KCNT2: variants seen among roughly 807,000 people sequenced by gnomAD.
KCNT2 encodes potassium channel subfamily T member 2.
Under a neutral mutation model 153.8 loss-of-function variants are expected in KCNT2, and 67 were observed. The observed-to-expected ratio is 0.44, with a 90% CI of 0.36 to 0.53. KCNT2 has a LOEUF of 0.53. Among genes scored for constraint, KCNT2 ranks in the 20% least tolerant of loss-of-function variants. The pLI, the probability that KCNT2 is intolerant of heterozygous loss-of-function variation, is 0.00. For synonymous variants in KCNT2, 500 were observed against 458.8 expected, an observed-to-expected ratio of 1.09 and a Z score of -1.15; for missense variants, 975 against 1,354.8, an observed-to-expected ratio of 0.72 and a Z score of 4.40.
chr1:196,312,803 T>G (rs1662320215), intron 21 of KCNT2, among the ~76,000 whole-genome samples: 1 of 151,748 alleles, frequency 6.6e-6, no homozygotes, highest in Non-Finnish European at 1.5e-5. Context: ...ATAATTAATG[T>G]ATAAGAATTT....
At chr1:196,533,657 T>A (rs1170594336) in intron 1 of KCNT2, among the ~76,000 whole-genome samples, 1 of 152,142 alleles carries the variant, frequency 6.6e-6, no homozygotes, top group Non-Finnish European at 1.5e-5. Flanking sequence ...GGAAAAATAA[T>A]CCTCAGCTTG....
chr1:196,304,458 ATCC>A (rs752001222), intron 22 of KCNT2, among the ~76,000 whole-genome samples: 66 of 152,060 alleles, frequency 4.3e-4, no homozygotes, highest in Non-Finnish European at 8.8e-4. Flanking sequence ...GGCTCAAGGA[ATCC>A]TCCTGTCTCA....
At chr1:196,388,788 T>C (rs994365387) in intron 13 of KCNT2, among the ~76,000 whole-genome samples, 3 of 151,826 alleles carry the variant, frequency 2.0e-5, no homozygotes, top group Admixed American at 1.3e-4. Context: ...TATTATAGAT[T>C]CATTACCATT....
At chr1:196,299,953 A>G (rs1415781203) in intron 22 of KCNT2, among the ~76,000 whole-genome samples, 1 of 152,230 alleles carries the variant, frequency 6.6e-6, no homozygotes, top group East Asian at 1.9e-4. Flanking sequence ...TTGCAGCAAC[A>G]TGGATGGTTT....
At chr1:196,360,340 CA>C (rs1347170277) in intron 14 of KCNT2, among the ~76,000 whole-genome samples, 3 of 151,906 alleles carry the variant, frequency 2.0e-5, no homozygotes, top group African/African-American at 7.3e-5. Context: ...CTGGGGATTG[CA>C]TATCATCTTT....
intron 1 of KCNT2, among the ~76,000 whole-genome samples, chr1:196,572,362 A>G (rs1416058011): frequency 6.6e-6 from 1 of 152,110 alleles, no homozygotes; most frequent in African/African-American, 2.4e-5. Flanking sequence ...AGTCACTGTA[A>G]GTAGTGAGTG....
chr1:196,345,754 G>T lies in KCNT2; in HGVS notation c.1404-3526C>A, dbSNP rs924402749. Among the ~76,000 whole-genome samples, 21 of 152,182 alleles carry T rather than the reference G, an allele frequency of 1.4e-4. No individual in the cohort carries two copies. The South Asian group carries it at 4.4e-3, about 32-fold the overall frequency. On this transcript the variant is annotated intron_variant, in intron 14 of 27. Transcript: ENST00000294725. The stretch of plus-strand genomic sequence containing the variant: ...GGTATGTTCTGAAGGCAGACTTCGA[G>T]AATTTGCTAATGGAAGAGAAAAATA...
chr1:196,395,490 G>T (rs1670858522), intron 13 of KCNT2, among the ~76,000 whole-genome samples: 1 of 151,496 alleles, frequency 6.6e-6, no homozygotes, highest in South Asian at 2.1e-4. Context: ...TAGCACTGGT[G>T]GCTTAAAACA....
chr1:196,449,109 G>A (rs1029633401), intron 8 of KCNT2, among the ~76,000 whole-genome samples: 1 of 151,650 alleles, frequency 6.6e-6, no homozygotes, highest in African/African-American at 2.4e-5. Context: ...GGGGAGAACA[G>A]TTAAAGCATT....
chr1:196,460,721 A>T (rs1021745942), intron 8 of KCNT2, among the ~76,000 whole-genome samples: 4 of 151,786 alleles, frequency 2.6e-5, no homozygotes, highest in Non-Finnish European at 4.4e-5. Flanking sequence ...GACTTGAATG[A>T]TGAGTAGGAG....
intron 26 of KCNT2, among the ~76,000 whole-genome samples, chr1:196,243,819 C>T (rs1234904784): frequency 6.6e-6 from 1 of 152,108 alleles, no homozygotes; most frequent in Non-Finnish European, 1.5e-5. Flanking sequence ...GAATCAAAGA[C>T]AATGGACTTG....
intron 26 of KCNT2, among the ~76,000 whole-genome samples, chr1:196,253,342 C>G (rs1656159033): frequency 6.6e-6 from 1 of 151,348 alleles, no homozygotes; most frequent in African/African-American, 2.4e-5. Flanking sequence ...TCTGATGCCA[C>G]CCCCATCCAG....
intron 26 of KCNT2, among the ~76,000 whole-genome samples, chr1:196,243,987 C>G (rs1332452722): frequency 2.0e-5 from 3 of 152,002 alleles, no homozygotes; most frequent in Non-Finnish European, 4.4e-5. Context: ...TGTGTTGCAA[C>G]TTGGATACCA....
chr1:196,467,019 A>T lies in KCNT2; in HGVS notation c.543+684T>A, dbSNP rs554422213. ...ACCCCGCTCAAGCAAATCCAGAAGG[A>T]TGACTCTAAATGAGGGGCTTCTGGC... On this transcript the variant is annotated intron_variant, in intron 7 of 27. Transcript: ENST00000294725. 3.3e-5 allele frequency among the ~76,000 whole-genome samples: 5 copies of T among 152,104 alleles called. No individual in the cohort carries two copies. The East Asian group carries it at 9.7e-4, about 29-fold the overall frequency.
At chr1:196,359,607 G>T (rs991076338) in intron 14 of KCNT2, among the ~76,000 whole-genome samples, 1 of 151,818 alleles carries the variant, frequency 6.6e-6, no homozygotes, top group Non-Finnish European at 1.5e-5. Context: ...TCTCTATATT[G>T]AATGAAATTA....
chr1:196,253,751 T>C (rs1043869292), intron 26 of KCNT2, among the ~76,000 whole-genome samples: 5 of 151,552 alleles, frequency 3.3e-5, no homozygotes, highest in African/African-American at 1.2e-4. Context: ...TTTAGAAAGC[T>C]CTTTCTTTGT....
intron 5 of KCNT2, among the ~76,000 whole-genome samples, chr1:196,470,928 G>A (rs187514688): frequency 3.5e-3 from 496 of 143,270 alleles, no homozygotes; most frequent in African/African-American, 0.013. Flanking sequence ...CACCCAGGCT[G>A]GAGTGCAGTG....
At position 196,504,635 on chromosome 1, in the gene KCNT2, T is replaced by A. The variant is rs1422041750; in HGVS notation, c.96-12294A>T. ...TGGCTGGGTCAAATGGTATTTCTAG[T>A]TCTAGATCCCTGAGGAATCGCCACA... is the stretch of plus-strand genomic sequence containing the variant. On this transcript the variant is annotated intron_variant, in intron 1 of 27. Coordinates refer to ENST00000294725, the MANE Select transcript of KCNT2 (RefSeq NM_198503.5). Among the ~76,000 whole-genome samples the A allele has an allele frequency of 4.6e-5, 7 of 152,168 alleles. No homozygotes were observed. The East Asian group carries it at 1.3e-3, about 29-fold the overall frequency.
At chr1:196,456,991 A>G (rs569369556) in intron 8 of KCNT2, among the ~76,000 whole-genome samples, 40 of 152,072 alleles carry the variant, frequency 2.6e-4, no homozygotes, top group Admixed American at 2.6e-3. Context: ...TGTATTTTCC[A>G]GTCAAAACAA....
Sources: allele counts gnomAD v4.1 joint callset (sites outside exome capture counted in the v4.1 genomes callset), GRCh38; gene constraint gnomAD v4.1.1; transcripts MANE v1.5; gene names NCBI Gene and HGNC (gene_info 2026-07-23, HGNC 2026-07-21).